DCC: variants seen among roughly 807,000 people sequenced by gnomAD.
DCC encodes the protein netrin receptor DCC.
Under a neutral mutation model 172.5 loss-of-function variants are expected in DCC, and 58 were observed. The observed-to-expected ratio is 0.34, with a 90% CI of 0.27 to 0.42. The LOEUF (loss-of-function observed/expected upper bound fraction) is 0.42, where lower values mean the gene tolerates loss of function less well. DCC is among the 10% of genes least tolerant of loss of function. DCC has a pLI of 1.00. For synonymous variants in DCC, 709 were observed against 644.5 expected, an observed-to-expected ratio of 1.10 and a Z score of -1.52; for missense variants, 1,740 against 1,791.0, an observed-to-expected ratio of 0.97 and a Z score of 0.51.
intron 7 of DCC, among the ~76,000 whole-genome samples, chr18:53,115,986 G>A (rs971073388): frequency 2.0e-5 from 3 of 151,466 alleles, no homozygotes; most frequent in African/African-American, 7.3e-5. Flanking sequence ...GGGTGCTGTG[G>A]GGAATGGTTC....
intron 17 of DCC, among the ~76,000 whole-genome samples, chr18:53,395,222 C>A (rs1346891495): frequency 1.3e-5 from 2 of 150,972 alleles, no homozygotes; most frequent in African/African-American, 4.9e-5. Flanking sequence ...GATAACTGGC[C>A]ATGTTGCTCC....
In DCC at chr18:53,435,162, G is replaced by T. The variant is rs150829547; in HGVS notation, c.3182G>T (p.Gly1061Val). ...ANDQGRHGDG[G>V]YWPVDTNLID... ...TGAACAGGTCGTCATGGAGATGGAG[G>T]TTATTGGCCAGTTGATACTAATTTG... The change falls in exon 22 of 29, where the codon GGT (glycine) becomes GTT (valine). Residue 1061 changes from glycine (G) to valine (V), a missense_variant. Physicochemically the swap from Gly to Val is moderately radical, Grantham distance 109. Around this residue, in one of 2 missense-constraint regions of DCC, gnomAD observed 1,732 missense variants for 1,767.4 expected, o/e 0.98. Coordinates refer to ENST00000442544, the MANE Select transcript of DCC (RefSeq NM_005215.4). 94 of 1,611,416 alleles carry T rather than the reference G, an allele frequency of 5.8e-5. No homozygotes were observed. In the African/African-American group the frequency reaches 1.1e-3, roughly 19 times the overall value.
At chr18:52,353,893 A>G (rs1261006179) in intron 1 of DCC, among the ~76,000 whole-genome samples, 3 of 152,198 alleles carry the variant, frequency 2.0e-5, no homozygotes. Context: ...AAGGTTATGT[A>G]AGGCTGCTGT....
At chr18:53,449,794 G>C in intron 22 of DCC, among the ~76,000 whole-genome samples, 1 of 152,082 alleles carries the variant, frequency 6.6e-6, no homozygotes, top group East Asian at 1.9e-4. Context: ...GTACAATTCA[G>C]CGGTGTTCAG....
intron 5 of DCC, among the ~76,000 whole-genome samples, chr18:53,047,270 A>AATTT (rs1345842222): frequency 6.5e-4 from 8 of 12,366 alleles, no homozygotes; most frequent in African/African-American, 4.9e-3. Context: ...ATATATATAT[A>AATTT]TATATATATA....
At chr18:52,887,436 A>T (rs2039586471) in intron 2 of DCC, among the ~76,000 whole-genome samples, 1 of 152,116 alleles carries the variant, frequency 6.6e-6, no homozygotes. Flanking sequence ...TAGCTGCAAA[A>T]GGTAGTTCCA....
chr18:52,884,780 T>C (rs1259244094), intron 2 of DCC, among the ~76,000 whole-genome samples: 1 of 152,182 alleles, frequency 6.6e-6, no homozygotes, highest in East Asian at 1.9e-4. Context: ...ATCTGGGCAT[T>C]GAAGAGTTAG....
At chr18:53,303,984 A>G (rs2144779351) in intron 12 of DCC, among the ~76,000 whole-genome samples, 1 of 152,098 alleles carries the variant, frequency 6.6e-6, no homozygotes, top group East Asian at 1.9e-4. Flanking sequence ...CTTCCCCTGG[A>G]GTTTGGTGGT....
chr18:53,071,358 T>G (rs2042648666), intron 7 of DCC, among the ~76,000 whole-genome samples: 1 of 152,168 alleles, frequency 6.6e-6, no homozygotes, highest in Non-Finnish European at 1.5e-5. Context: ...AAATGTGAAA[T>G]GTATACACGG....
chr18:53,018,804 T>C (rs2143910497), intron 5 of DCC, among the ~76,000 whole-genome samples: 1 of 152,306 alleles, frequency 6.6e-6, no homozygotes, highest in Admixed American at 6.5e-5. Context: ...GAGATGCTCA[T>C]GACAAAAACT....
intron 12 of DCC, among the ~76,000 whole-genome samples, chr18:53,273,678 A>G (rs986580495): frequency 6.6e-6 from 1 of 151,146 alleles, no homozygotes; most frequent in African/African-American, 2.4e-5. Context: ...TCTTCTACAC[A>G]TGACATCTTT....
At chr18:53,156,825 T>G (rs1423073893) in intron 7 of DCC, among the ~76,000 whole-genome samples, 1 of 152,234 alleles carries the variant, frequency 6.6e-6, no homozygotes, top group Non-Finnish European at 1.5e-5. Context: ...TTCATTCGTT[T>G]ATTCATTTAT....
intron 26 of DCC, among the ~76,000 whole-genome samples, chr18:53,497,160 A>G (rs2046034605): frequency 6.6e-6 from 1 of 152,220 alleles, no homozygotes; most frequent in African/African-American, 2.4e-5. Context: ...TAAAGGAGGA[A>G]CCTAGAGAAA....
intron 1 of DCC, among the ~76,000 whole-genome samples, chr18:52,590,830 G>C (rs1484297849): frequency 3.3e-5 from 5 of 152,122 alleles, no homozygotes; most frequent in Admixed American, 2.6e-4. Context: ...TACCATCTCT[G>C]GGTGACCAAA....
chr18:52,886,662 A>G (rs1005422375), intron 2 of DCC, among the ~76,000 whole-genome samples: 1 of 152,090 alleles, frequency 6.6e-6, no homozygotes, highest in Non-Finnish European at 1.5e-5. Flanking sequence ...CTCTGCTGGG[A>G]AAAGGGGGAG....
At chr18:53,410,414 A>G in intron 19 of DCC, 38 bp from the exon 20 acceptor site, 1 of 1,318,026 alleles carries the variant, frequency 7.6e-7, no homozygotes, top group South Asian at 1.2e-5. Flanking sequence ...TGCAGCGTGT[A>G]GGACACCAAA....
chr18:52,645,652 A>C (rs145990312), intron 1 of DCC, among the ~76,000 whole-genome samples: 244 of 152,278 alleles, frequency 1.6e-3, no homozygotes, highest in Middle Eastern at 3.4e-3. Context: ...ATAAAAACAA[A>C]AGCTCGTTGG....
Position 53,215,549 on chromosome 18 carries a change from G to A in DCC, c.1863G>A (p.Val621=). The A allele has an allele frequency of 6.2e-7, 1 of 1,613,612 alleles. No individual in the cohort carries two copies. Among genetic ancestry groups the A allele is most frequent in the African/African-American group, 1.3e-5 (1 of 75,008 alleles). The change falls in exon 12 of 29, where the codon GTG becomes GTA. Residue 621 remains valine, a splice_region_variant and synonymous_variant. Transcript: ENST00000442544. ...DDITVVTLSD[V]PSAPPQNVSL... Reference sequence around the variant, plus strand: ...GACAATTTGTTTGATTCCTTTTAGTGCCAAGTGCCCCGCCTCAGAACGTCT... The same window carrying A: ...GACAATTTGTTTGATTCCTTTTAGTACCAAGTGCCCCGCCTCAGAACGTCT...
chr18:52,423,761 G>C (rs1415022997), intron 1 of DCC, among the ~76,000 whole-genome samples: 1 of 152,124 alleles, frequency 6.6e-6, no homozygotes, highest in African/African-American at 2.4e-5. Flanking sequence ...TAATGCACAG[G>C]AGGGATCTTG....
Sources: allele counts gnomAD v4.1 joint callset (sites outside exome capture counted in the v4.1 genomes callset), GRCh38; gene constraint gnomAD v4.1.1; regional missense constraint gnomAD v4.1.1; transcripts MANE v1.5; gene names NCBI Gene and HGNC (gene_info 2026-07-23, HGNC 2026-07-21).